AKAIN1: variants seen among roughly 807,000 people sequenced by gnomAD.
AKAIN1 encodes A-kinase anchor protein inhibitor 1.
Under a neutral mutation model 3.7 loss-of-function variants are expected in AKAIN1, and 3 were observed. The observed-to-expected ratio is 0.82, with a 90% CI of 0.37 to 2.12. The LOEUF (loss-of-function observed/expected upper bound fraction) is 2.12, where lower values mean the gene tolerates loss of function less well. Among genes scored for constraint, AKAIN1 ranks in the 30% most tolerant of loss-of-function variants. The pLI is 0.06. For missense variants in AKAIN1, 82 were observed against 82.7 expected (o/e 0.99, Z 0.03); for synonymous variants, 31 against 30.8 (o/e 1.01, Z -0.02).
In AKAIN1 at chr18:5,197,248, C is replaced by A. The variant is rs1040347086; in HGVS notation, c.-195G>T. 2.9e-6 allele frequency: 4 copies of A among 1,381,368 alleles called. No individual in the cohort carries two copies. The highest frequency in any genetic ancestry group is 3.7e-6 in the Non-Finnish European group (4 of 1,078,354). The allele number at this position is 1,381,368 out of a possible 1,614,324, so 85.6% of individuals were successfully genotyped here. A position where few individuals can be genotyped will look rare whatever the true frequency, so the allele number is the denominator to read the frequency against. On this transcript the variant is annotated 5_prime_UTR_variant, in exon 1 of 2. Coordinates refer to ENST00000434239, the MANE Select transcript of AKAIN1 (RefSeq NM_001145194.2). The surrounding 1 kb of genome is among the most constrained non-coding windows in gnomAD (Gnocchi z 6.9). ...GCTCCAGCCGCCGCCGCGCGCTCTG[C>A]CTCCACAATGCGGCCACAGCGGCGG...
At chr18:5,190,486 C>A (rs1384904719) in intron 1 of AKAIN1, among the ~76,000 whole-genome samples, 3 of 152,044 alleles carry the variant, frequency 2.0e-5, no homozygotes, top group Admixed American at 6.6e-5. Context: ...TCCCTATGAA[C>A]AAAACTCTAT....
intron 1 of AKAIN1, among the ~76,000 whole-genome samples, chr18:5,156,886 G>A (rs390508): frequency 0.11 from 16,924 of 152,214 alleles, 1,045 homozygotes; most frequent in Non-Finnish European, 0.14. Flanking sequence ...GCTGTAATGG[G>A]GGTAGGGGAC....
At chr18:5,172,732 A>G (rs1472248502) in intron 1 of AKAIN1, among the ~76,000 whole-genome samples, 1 of 151,728 alleles carries the variant, frequency 6.6e-6, no homozygotes. Flanking sequence ...AAAAAATTGA[A>G]ATTTTACTGC....
In AKAIN1 at chr18:5,197,054, G is replaced by A; in HGVS notation, c.-1C>T. On this transcript the variant is annotated 5_prime_UTR_variant, in exon 1 of 2. Coordinates refer to ENST00000434239, the MANE Select transcript of AKAIN1 (RefSeq NM_001145194.2). The surrounding 1 kb of genome is among the most constrained non-coding windows in gnomAD (Gnocchi z 6.9). ...GCGGTGTACCTGGAGCGAACACCAT[G>A]ATTTCTTCCAGCCGCTACGCCCCCA... 6.4e-7 allele frequency: 1 copy of A among 1,551,566 alleles called. No individual in the cohort carries two copies. Among genetic ancestry groups the A allele is most frequent in the Non-Finnish European group, 8.7e-7 (1 of 1,146,900 alleles).
intron 1 of AKAIN1, among the ~76,000 whole-genome samples, chr18:5,159,614 A>G (rs533963293): frequency 1.3e-5 from 2 of 152,182 alleles, no homozygotes; most frequent in African/African-American, 2.4e-5. Context: ...TACAATGACA[A>G]CACTGTCATT....
chr18:5,147,893 G>A (rs1030745110), intron 1 of AKAIN1, among the ~76,000 whole-genome samples: 2 of 152,216 alleles, frequency 1.3e-5, no homozygotes, highest in Non-Finnish European at 2.9e-5. Context: ...TCTATATGAA[G>A]AGTCACGAAG....
chr18:5,196,032 A>G (rs1011096541), intron 1 of AKAIN1, among the ~76,000 whole-genome samples: 22 of 152,336 alleles, frequency 1.4e-4, no homozygotes, highest in African/African-American at 4.3e-4. Context: ...CCTTTAAAAA[A>G]AAATGCATTA....
rs537012746 is a variant in AKAIN1 at position 5,144,416 on chromosome 18, C to T, written c.*1146G>A. On this transcript the variant is annotated 3_prime_UTR_variant, in exon 2 of 2. Coordinates refer to ENST00000434239, the MANE Select transcript of AKAIN1 (RefSeq NM_001145194.2). Reference sequence around the variant, plus strand: ...AGCCCAGGAAATGGGACTGTAGATACTCCAGAAATATGTGCATTATCCTCA... The same window carrying T: ...AGCCCAGGAAATGGGACTGTAGATATTCCAGAAATATGTGCATTATCCTCA... Among the ~76,000 whole-genome samples the T allele has an allele frequency of 2.3e-4, 35 of 152,292 alleles. No homozygotes were observed. The South Asian group carries it at 6.6e-3, about 29-fold the overall frequency.
At position 5,145,459 on chromosome 18, in the gene AKAIN1, C is replaced by T. The variant is rs778145713; in HGVS notation, c.*103G>A. 9.0e-5 allele frequency: 79 copies of T among 878,654 alleles called. No individual in the cohort carries two copies. Among genetic ancestry groups the T allele is most frequent in the Admixed American group, 5.7e-4 (23 of 40,348 alleles). 54.4% of individuals were successfully genotyped at this position (878,654 alleles called of 1,614,324 possible). A position where few individuals can be genotyped will look rare whatever the true frequency, so the allele number is the denominator to read the frequency against. On this transcript the variant is annotated 3_prime_UTR_variant, in exon 2 of 2. Transcript: ENST00000434239. Reference sequence around the variant, plus strand: ...GTGAATTCATTCTACAGCTAGGTGCCGGTGACACTTCGGTTTGCTTTACTG... The same window carrying T: ...GTGAATTCATTCTACAGCTAGGTGCTGGTGACACTTCGGTTTGCTTTACTG...
intron 1 of AKAIN1, among the ~76,000 whole-genome samples, chr18:5,146,760 C>T (rs2071051844): frequency 6.6e-6 from 1 of 152,208 alleles, no homozygotes; most frequent in Admixed American, 6.5e-5. Context: ...GGAACAACTA[C>T]TCAACTCTGC....
intron 1 of AKAIN1, among the ~76,000 whole-genome samples, chr18:5,175,099 T>G (rs1260208757): frequency 6.6e-6 from 1 of 152,170 alleles, no homozygotes; most frequent in Admixed American, 6.5e-5. Context: ...CTTAATGATC[T>G]TATCTTCATA....
At chr18:5,167,115 A>G (rs1363435996) in intron 1 of AKAIN1, among the ~76,000 whole-genome samples, 1 of 152,150 alleles carries the variant, frequency 6.6e-6, no homozygotes, top group Non-Finnish European at 1.5e-5. Flanking sequence ...GCACCAAAAC[A>G]GACACAGATG....
chr18:5,197,221 C>T lies in AKAIN1; in HGVS notation c.-168G>A. The stretch of plus-strand genomic sequence containing the variant: ...CTCCCGCCGCTAGATCCTGGGGCCG[C>T]AGCTCCAGCCGCCGCCGCGCGCTCT... On this transcript the variant is annotated 5_prime_UTR_variant, in exon 1 of 2. Coordinates refer to ENST00000434239, the MANE Select transcript of AKAIN1 (RefSeq NM_001145194.2). The surrounding 1 kb of genome is among the most constrained non-coding windows in gnomAD (Gnocchi z 6.9). 7.2e-7 allele frequency: 1 copy of T among 1,389,034 alleles called. No homozygotes were observed. The highest frequency in any genetic ancestry group is 9.2e-7 in the Non-Finnish European group (1 of 1,082,576). The allele number at this position is 1,389,034 out of a possible 1,614,324, so 86.0% of individuals were successfully genotyped here.
rs961892595 is a variant in AKAIN1 at position 5,144,771 on chromosome 18, A to G, written c.*791T>C. On this transcript the variant is annotated 3_prime_UTR_variant, in exon 2 of 2. Coordinates refer to ENST00000434239, the MANE Select transcript of AKAIN1 (RefSeq NM_001145194.2). ...TGATAGGCAGCTGTTGAAGAAATCT[A>G]CACTTCTAGCCATTCTCCATGAGGC... Among the ~76,000 whole-genome samples the G allele has an allele frequency of 6.6e-6, 1 of 152,180 alleles. No homozygotes were observed. The highest frequency in any genetic ancestry group is 1.5e-5 in the Non-Finnish European group (1 of 68,032).
intron 1 of AKAIN1, among the ~76,000 whole-genome samples, chr18:5,185,067 A>G (rs1339882772): frequency 5.3e-5 from 8 of 152,142 alleles, no homozygotes; most frequent in Non-Finnish European, 5.9e-5. Flanking sequence ...CTGATCTTCA[A>G]CAAAGTTGAC....
intron 1 of AKAIN1, among the ~76,000 whole-genome samples, chr18:5,187,072 C>T (rs1232040470): frequency 6.6e-6 from 1 of 151,980 alleles, no homozygotes; most frequent in African/African-American, 2.4e-5. Flanking sequence ...ATTAAATTTG[C>T]TTATTTTAGA....
chr18:5,147,882 T>G (rs949599887), intron 1 of AKAIN1, among the ~76,000 whole-genome samples: 1 of 152,220 alleles, frequency 6.6e-6, no homozygotes, highest in African/African-American at 2.4e-5. Flanking sequence ...ATAGAAATTT[T>G]TCTATATGAA....
chr18:5,172,739 C>A (rs761780506), intron 1 of AKAIN1, among the ~76,000 whole-genome samples: 2 of 151,664 alleles, frequency 1.3e-5, no homozygotes, highest in African/African-American at 2.4e-5. Flanking sequence ...TGAAATTTTA[C>A]TGCTGAGGGA....
intron 1 of AKAIN1, among the ~76,000 whole-genome samples, chr18:5,150,874 T>C (rs567369559): frequency 6.6e-6 from 1 of 152,334 alleles, no homozygotes; most frequent in East Asian, 1.9e-4. Context: ...TACATCAATT[T>C]TCCCCCCAGA....
Sources: gnomAD v4.1 joint callset for allele counts (sites outside exome capture counted in the v4.1 genomes callset) on GRCh38, gnomAD v4.1.1 for gene constraint, Gnocchi (gnomAD v3.1) non-coding constraint, MANE v1.5 for transcripts, NCBI Gene and HGNC (gene_info 2026-07-23, HGNC 2026-07-21) for gene names.